Variants in EHMT1 observed in about 807,000 individuals in gnomAD.
EHMT1 encodes euchromatic histone lysine methyltransferase 1.
EHMT1 carries 15 observed loss-of-function variants against 147.2 expected under a neutral mutation model. The ratio of observed to expected loss-of-function variants is 0.10; its 90% CI spans 0.07 to 0.16. The LOEUF (loss-of-function observed/expected upper bound fraction) is 0.16, where lower values mean the gene tolerates loss of function less well. Among genes scored for constraint, EHMT1 ranks in the 10% least tolerant of loss-of-function variants. EHMT1 has a pLI of 1.00. For synonymous variants in EHMT1, 795 were observed against 709.6 expected (o/e 1.12, Z -1.91); for missense variants, 1,587 against 1,772.4 (o/e 0.90, Z 1.88).
intron 1 of EHMT1, among the ~76,000 whole-genome samples, chr9:137,619,838 C>T (rs1023171679): frequency 1.3e-5 from 2 of 151,932 alleles, no homozygotes; most frequent in Admixed American, 1.3e-4. Context: ...CCACTGGCGT[C>T]CCTCTGAAGG....
chr9:137,796,678 T>G (rs1588758449), intron 16 of EHMT1, among the ~76,000 whole-genome samples: 1 of 121,782 alleles, frequency 8.2e-6, no homozygotes, highest in Non-Finnish European at 1.6e-5. Flanking sequence ...CACTCCAGCC[T>G]GGGCGACAGA....
At chr9:137,808,326 C>A (rs576453814) in intron 18 of EHMT1, among the ~76,000 whole-genome samples, 8 of 152,320 alleles carry the variant, frequency 5.3e-5, no homozygotes, top group South Asian at 4.1e-4. Context: ...CTGCCTACCC[C>A]CTGCGCCATG....
At chr9:137,788,155 T>C (rs4333684) in intron 15 of EHMT1, 546,364 of 886,066 alleles carry the variant, frequency 0.62, 172,616 homozygotes, top group East Asian at 0.85. Flanking sequence ...GTCACTGCCT[T>C]CTCCCCACTG....
chr9:137,756,426 G>A (rs1487858761), intron 8 of EHMT1, among the ~76,000 whole-genome samples: 1 of 152,194 alleles, frequency 6.6e-6, no homozygotes, highest in Admixed American at 6.5e-5. Flanking sequence ...GGCTAATCTA[G>A]ATTCCCCAAT....
intron 25 of EHMT1, 90 bp downstream of exon 25, chr9:137,818,228 A>G (rs1955083069): frequency 7.0e-7 from 1 of 1,420,646 alleles, no homozygotes; most frequent in Admixed American, 1.7e-5. Context: ...GATTCAGAAG[A>G]GAGCTCTTAC....
chr9:137,804,964 C>T (rs1953806897), intron 18 of EHMT1, among the ~76,000 whole-genome samples: 1 of 150,904 alleles, frequency 6.6e-6, no homozygotes, highest in Non-Finnish European at 1.5e-5. Flanking sequence ...TGAGTCCGTC[C>T]ATGTGTGTCA....
chr9:137,805,234 T>C (rs2137499343), intron 18 of EHMT1, among the ~76,000 whole-genome samples: 1 of 152,350 alleles, frequency 6.6e-6, no homozygotes, highest in African/African-American at 2.4e-5. Flanking sequence ...CATGTGTCAG[T>C]CCACATGTGT....
chr9:137,768,423 G>A (rs982748201), intron 10 of EHMT1, among the ~76,000 whole-genome samples: 2 of 140,938 alleles, frequency 1.4e-5, no homozygotes, highest in Admixed American at 7.6e-5. Context: ...GCAGGATCTC[G>A]GCTCACTGCA....
At chr9:137,669,527 TC>T (rs1940260019) in intron 1 of EHMT1, among the ~76,000 whole-genome samples, 1 of 107,966 alleles carries the variant, frequency 9.3e-6, no homozygotes, top group Non-Finnish European at 1.9e-5. Context: ...GCACGTGCAC[TC>T]GACTCCTCCC....
intron 3 of EHMT1, among the ~76,000 whole-genome samples, chr9:137,718,086 CAG>C (rs1945531758): frequency 1.4e-5 from 2 of 138,158 alleles, no homozygotes; most frequent in South Asian, 2.1e-4. Context: ...TTTTCACACA[CAG>C]GGCGCGCCCG....
At chr9:137,718,338 A>T (rs1945570785) in intron 3 of EHMT1, among the ~76,000 whole-genome samples, 2 of 152,224 alleles carry the variant, frequency 1.3e-5, no homozygotes, top group South Asian at 2.1e-4. Flanking sequence ...TCTCAGTTTG[A>T]TGTGAATTTG....
chr9:137,700,331 C>T (rs927386713), intron 1 of EHMT1, among the ~76,000 whole-genome samples: 4 of 152,210 alleles, frequency 2.6e-5, no homozygotes, highest in African/African-American at 9.7e-5. Context: ...AGTTCTACTT[C>T]ACTATCTGGG....
chr9:137,679,478 T>G (rs955536732), intron 1 of EHMT1, among the ~76,000 whole-genome samples: 3 of 152,176 alleles, frequency 2.0e-5, no homozygotes, highest in African/African-American at 7.2e-5. Context: ...GTTACTGATG[T>G]GGAGTTCCCT....
intron 1 of EHMT1, among the ~76,000 whole-genome samples, chr9:137,681,650 C>T (rs186167238): frequency 2.4e-4 from 36 of 152,280 alleles, no homozygotes; most frequent in Non-Finnish European, 4.0e-4. Flanking sequence ...AAGCCTCCCA[C>T]GCCCGTCCAC....
intron 1 of EHMT1, among the ~76,000 whole-genome samples, chr9:137,666,461 G>A (rs2134159638): frequency 6.6e-6 from 1 of 152,392 alleles, no homozygotes; most frequent in South Asian, 2.1e-4. Context: ...CAGCCTCAGT[G>A]GTGGAGGGAG....
chr9:137,674,196 C>CG (rs1940994228), intron 1 of EHMT1, among the ~76,000 whole-genome samples: 1 of 152,280 alleles, frequency 6.6e-6, no homozygotes, highest in African/African-American at 2.4e-5. Context: ...CTGCCCTTTA[C>CG]GAGGCAGTGG....
chr9:137,716,951 G>A lies in EHMT1; in HGVS notation c.411G>A (p.Leu137=), dbSNP rs1262320483. ...LNKPALQAQP[L]RTTSTLASSL... Reference sequence around the variant, plus strand: ...AGCCGGCCCTACAGGCACAGCCCTTGAGGACTACCAGCACTCTGGCCTCTT... The same window carrying A: ...AGCCGGCCCTACAGGCACAGCCCTTAAGGACTACCAGCACTCTGGCCTCTT... The change falls in exon 3 of 27, where the codon TTG becomes TTA. Residue 137 remains leucine, a synonymous_variant. Transcript: ENST00000460843. The A allele has an allele frequency of 2.5e-6, 4 of 1,612,776 alleles. No homozygotes were observed. Among genetic ancestry groups the A allele is most frequent in the African/African-American group, 2.7e-5 (2 of 74,882 alleles).
rs113095131 is a variant in EHMT1, at chr9:137,734,393, A to G, written c.823+5864A>G. On this transcript the variant is annotated intron_variant, in intron 4 of 26. Transcript: ENST00000460843. ...ATCAAAGGCAGATCTGAACAGACGG[A>G]AGAAAGAGATAGCAAACTTGAAGAT... 5.5e-3 allele frequency among the ~76,000 whole-genome samples: 834 copies of G among 152,370 alleles called. 7 individuals carry two copies. Among genetic ancestry groups the G allele is most frequent in the African/African-American group, 0.018 (737 of 41,590 alleles).
At chr9:137,810,555 T>G (rs563298224) in intron 18 of EHMT1, among the ~76,000 whole-genome samples, 1 of 152,380 alleles carries the variant, frequency 6.6e-6, no homozygotes, top group Admixed American at 6.5e-5. Context: ...TTTTTTATTT[T>G]CTTCTCCTTT....
Sources: allele counts gnomAD v4.1 joint callset (sites outside exome capture counted in the v4.1 genomes callset), GRCh38; gene constraint gnomAD v4.1.1; transcripts MANE v1.5; gene names NCBI Gene and HGNC (gene_info 2026-07-23, HGNC 2026-07-21).